Variants in TEX11 observed in about 807,000 individuals in gnomAD.
TEX11 encodes the protein testis expressed 11.
Under a neutral mutation model 84.4 loss-of-function variants are expected in TEX11, and 7 were observed. That is an observed-to-expected ratio of 0.08 (90% confidence interval 0.05 to 0.16). The LOEUF (loss-of-function observed/expected upper bound fraction) is 0.16. Among genes scored for constraint, TEX11 ranks in the 10% least tolerant of loss-of-function variants. The pLI, the probability that TEX11 is intolerant of heterozygous loss-of-function variation, is 1.00. For synonymous variants in TEX11, 264 were observed against 222.8 expected, an observed-to-expected ratio of 1.18 and a Z score of -1.64; for missense variants, 551 against 660.5, an observed-to-expected ratio of 0.83 and a Z score of 1.82.
At chrX:70,569,596 CT>C (rs1177930592) in intron 25 of TEX11, among the ~76,000 whole-genome samples, 1 of 111,770 alleles carries the variant, frequency 8.9e-6, no homozygotes, top group East Asian at 2.8e-4. Flanking sequence ...TGTGGATGTC[CT>C]TTCTGTTTGT....
chrX:70,552,037 A>G, intron 28 of TEX11, 89 bp downstream of exon 28: 1 of 957,899 alleles, frequency 1.0e-6, no homozygotes, highest in Admixed American at 3.9e-5. Context: ...AACTCATATC[A>G]GAAAGCATTA....
At chrX:70,834,121 C>T (rs1047174322) in intron 7 of TEX11, among the ~76,000 whole-genome samples, 2 of 109,392 alleles carry the variant, frequency 1.8e-5, no homozygotes, top group Non-Finnish European at 3.8e-5. Context: ...TCCAGTAGTT[C>T]GAAGCTGCAG....
intron 28 of TEX11, among the ~76,000 whole-genome samples, chrX:70,548,319 A>G (rs1390791187): frequency 9.1e-6 from 1 of 109,985 alleles, no homozygotes; most frequent in Non-Finnish European, 1.9e-5. Context: ...CCTAATGCTA[A>G]ATGATGAGTT....
At chrX:70,749,230 G>A (rs1240439380) in intron 9 of TEX11, among the ~76,000 whole-genome samples, 4 of 107,096 alleles carry the variant, frequency 3.7e-5, no homozygotes, top group South Asian at 4.4e-4. Context: ...TTTGTCTGTT[G>A]TTGGTGTATA....
intron 7 of TEX11, among the ~76,000 whole-genome samples, chrX:70,841,696 G>T (rs1436222552): frequency 8.9e-6 from 1 of 111,826 alleles, no homozygotes; most frequent in African/African-American, 3.2e-5. Flanking sequence ...CCAGGAGCTG[G>T]TTTTTTGAAA....
intron 16 of TEX11, among the ~76,000 whole-genome samples, chrX:70,664,020 G>A (rs1012770811): frequency 9.0e-6 from 1 of 111,730 alleles, no homozygotes; most frequent in East Asian, 2.8e-4. Context: ...TAGTTACACT[G>A]TATTGTTTTA....
At chrX:70,805,406 C>CTTT (rs776518885) in intron 9 of TEX11, among the ~76,000 whole-genome samples, 1 of 99,580 alleles carries the variant, frequency 1.0e-5, no homozygotes, top group Non-Finnish European at 2.1e-5. Flanking sequence ...ATTTTTTTTT[C>CTTT]TTTTTTTTTT....
chrX:70,821,391 A>G (rs1283770662), intron 8 of TEX11, among the ~76,000 whole-genome samples: 2 of 111,648 alleles, frequency 1.8e-5, no homozygotes, highest in Non-Finnish European at 3.8e-5. Flanking sequence ...TGATTGGATC[A>G]TAGGGGTGGA....
intron 9 of TEX11, among the ~76,000 whole-genome samples, chrX:70,779,905 CA>C (rs2091026746): frequency 9.0e-6 from 1 of 111,639 alleles, no homozygotes; most frequent in Admixed American, 9.5e-5. Context: ...AAAGAAAAGC[CA>C]AGGACCTGAT....
chrX:70,582,721 CATTT>C (rs200086003), intron 25 of TEX11, among the ~76,000 whole-genome samples: 9 of 48,241 alleles, frequency 1.9e-4, no homozygotes, highest in Non-Finnish European at 2.7e-4. Context: ...CTCCTATGTA[CATTT>C]ATTTATTTAT....
Position 70,544,855 on chromosome X carries a change from A to AAC in TEX11, c.2520+7270_2520+7271insGT, listed in dbSNP as rs1481055930. On this transcript the variant is annotated intron_variant, in intron 28 of 29. Transcript: ENST00000374333. ...CCATCTCAAAAAAAAAAAAAAAAAA[A>AAC]AAACCCAAAAAAACAAACAAAAAAA... Among the ~76,000 whole-genome samples, 244 of 108,044 alleles carry AAC rather than the reference A, an allele frequency of 2.3e-3. 1 individual carries two copies. Among genetic ancestry groups the AAC allele is most frequent in the Middle Eastern group, 4.8e-3 (1 of 209 alleles). 93.8% of individuals were successfully genotyped at this position (108,044 alleles called of 115,157 possible).
At chrX:70,787,696 A>C (rs1402148462) in intron 9 of TEX11, among the ~76,000 whole-genome samples, 1 of 111,874 alleles carries the variant, frequency 8.9e-6, no homozygotes, top group Non-Finnish European at 1.9e-5. Context: ...AAAAGAAAGA[A>C]AGTAAAAGAC....
At chrX:70,596,253 T>C (rs1391930868) in intron 24 of TEX11, among the ~76,000 whole-genome samples, 1 of 111,577 alleles carries the variant, frequency 9.0e-6, no homozygotes, top group African/African-American at 3.2e-5. Context: ...CCATCAAGGA[T>C]ATAGAACACT....
intron 9 of TEX11, among the ~76,000 whole-genome samples, chrX:70,766,094 G>A (rs2090938515): frequency 9.0e-6 from 1 of 111,666 alleles, no homozygotes; most frequent in African/African-American, 3.3e-5. Flanking sequence ...TCCCTATAAT[G>A]ACAACTATAA....
intron 25 of TEX11, among the ~76,000 whole-genome samples, chrX:70,564,134 C>T (rs962781898): frequency 2.7e-5 from 3 of 111,953 alleles, no homozygotes; most frequent in Admixed American, 9.5e-5. Flanking sequence ...GAGGCTGAGG[C>T]TGGAGAATCG....
At position 70,650,925 on chromosome X, in the gene TEX11, A is replaced by G. The variant is rs760850532; in HGVS notation, c.1483+525T>C. ...CCAGCTAGGAAACTATGCTTAACTT[A>G]ATGGAAAGGCCTCAACATTAATGGG... On this transcript the variant is annotated intron_variant, in intron 17 of 29. Transcript: ENST00000374333. Among the ~76,000 whole-genome samples, 9 of 111,748 alleles carry G rather than the reference A, an allele frequency of 8.1e-5. No individual in the cohort carries two copies. The South Asian group carries it at 3.4e-3, about 42-fold the overall frequency.
At chrX:70,595,934 T>C (rs2089000649) in intron 24 of TEX11, among the ~76,000 whole-genome samples, 1 of 110,050 alleles carries the variant, frequency 9.1e-6, no homozygotes, top group South Asian at 3.9e-4. Flanking sequence ...TGTGAAAGGA[T>C]GGAAAAAGTT....
chrX:70,657,530 G>A (rs925135799), intron 16 of TEX11, among the ~76,000 whole-genome samples: 5 of 107,865 alleles, frequency 4.6e-5, no homozygotes, highest in Non-Finnish European at 7.6e-5. Flanking sequence ...TCAGAAAAAT[G>A]TGCTCAAAAA....
intron 25 of TEX11, among the ~76,000 whole-genome samples, chrX:70,564,853 C>T (rs1395757333): frequency 1.8e-5 from 2 of 110,411 alleles, no homozygotes; most frequent in Non-Finnish European, 3.8e-5. Context: ...TGAATAGTGC[C>T]ACAATAAACA....
Sources: gnomAD v4.1 joint callset for allele counts (sites outside exome capture counted in the v4.1 genomes callset) on GRCh38, gnomAD v4.1.1 for gene constraint, MANE v1.5 for transcripts, NCBI Gene and HGNC (gene_info 2026-07-23, HGNC 2026-07-21) for gene names.